Variants in LRRC56 observed in about 807,000 individuals in gnomAD.
LRRC56 encodes the protein leucine-rich repeat-containing protein 56.
LRRC56 carries 41 observed loss-of-function variants against 47.8 expected under a neutral mutation model. That is an observed-to-expected ratio of 0.86 (90% CI 0.67 to 1.11). The LOEUF is 1.11. Among genes scored for constraint, LRRC56 ranks in the 50% most tolerant of loss-of-function variants. LRRC56 has a pLI of 0.00. For missense variants in LRRC56, 759 were observed against 704.2 expected (o/e 1.08, Z -0.88); for synonymous variants, 387 against 311.2 (o/e 1.24, Z -2.56).
chr11:554,696 C>T lies in LRRC56; in HGVS notation c.*420C>T, dbSNP rs1292680542. On this transcript the variant is annotated 3_prime_UTR_variant, in exon 14 of 14. Transcript: ENST00000270115. ...AGAGCCACCTCCTAGGCCGCAGTGG[C>T]CCAAGGTCCCAGCTGCTCGCCTGAG... 4.6e-6 allele frequency: 2 copies of T among 439,470 alleles called. No individual in the cohort carries two copies. The highest frequency in any genetic ancestry group is 4.2e-5 in the African/African-American group (2 of 47,868). The allele number at this position is 439,470 out of a possible 1,614,324, so 27.2% of individuals were successfully genotyped here.
At chr11:534,457 G>A, upstream of LRRC56, 1 of 697,488 alleles carries the variant, frequency 1.4e-6, no homozygotes, top group Non-Finnish European at 2.4e-6. Flanking sequence ...CCATCTGAAG[G>A]GCAAACCCAC....
chr11:551,178 C>T lies in LRRC56; in HGVS notation c.672C>T (p.Pro224=), dbSNP rs1424395898. The change falls in exon 9 of 14, where the codon CCC becomes CCT. Residue 224 remains proline, a synonymous_variant. Transcript: ENST00000270115. ...GGGCAGAGGTGAGGAAGCTCATTCC[C>T]CAGCTGCAGGTCCTGGACGAAGTGC... ...NYRAEVRKLI[P]QLQVLDEVPA... is the part of the protein sequence containing the mutation. 1.3e-6 allele frequency: 2 copies of T among 1,543,886 alleles called. No homozygotes were observed. Among genetic ancestry groups the T allele is most frequent in the South Asian group, 1.2e-5 (1 of 83,564 alleles).
At chr11:517,559 G>A in the LRRC56 span, among the ~76,000 whole-genome samples, 40 of 148,224 alleles carry the variant, frequency 2.7e-4, no homozygotes, top group Non-Finnish European at 4.0e-4. Context: ...GCCTCTGCCC[G>A]GCCGTCCCAT....
intron 5 of LRRC56, 62 bp from the exon 6 acceptor site, chr11:544,658 G>C (rs948268335): frequency 2.6e-6 from 4 of 1,550,092 alleles, no homozygotes; most frequent in Non-Finnish European, 2.7e-6. Flanking sequence ...AGGGGTGAAG[G>C]AGGGTGCAGA....
intron 6 of LRRC56, among the ~76,000 whole-genome samples, chr11:545,731 C>T (rs997094771): frequency 6.6e-6 from 1 of 152,118 alleles, no homozygotes; most frequent in African/African-American, 2.4e-5. Context: ...AAGGAACATC[C>T]GACTTTATTC....
the LRRC56 span, chr11:532,464 C>CT: frequency 1.1e-6 from 1 of 893,696 alleles, no homozygotes; most frequent in African/African-American, 1.7e-5. Context: ...TCCTTCCTTC[C>CT]TCCTCCTTCC....
chr11:552,400 T>G (rs1489984862), intron 12 of LRRC56, among the ~76,000 whole-genome samples, 168 bp downstream of exon 12: 1 of 148,830 alleles, frequency 6.7e-6, no homozygotes, highest in Admixed American at 6.7e-5. Context: ...GAGTCATCGC[T>G]GGTCCCAAGG....
chr11:509,033 G>A, the LRRC56 span, among the ~76,000 whole-genome samples: 1 of 152,028 alleles, frequency 6.6e-6, no homozygotes, highest in Non-Finnish European at 1.5e-5. Flanking sequence ...CAACAAGAGC[G>A]AAACTCCATC....
the LRRC56 span, among the ~76,000 whole-genome samples, chr11:521,119 G>A: frequency 0.32 from 48,910 of 152,036 alleles, 8,065 homozygotes; most frequent in African/African-American, 0.38. Context: ...GCCCCCCAGC[G>A]GTGGCTCTCA....
At chr11:510,177 C>G in the LRRC56 span, among the ~76,000 whole-genome samples, 1 of 152,192 alleles carries the variant, frequency 6.6e-6, no homozygotes, top group Non-Finnish European at 1.5e-5. Flanking sequence ...CAGGCTGAGG[C>G]AAGAGACCCC....
chr11:523,876 C>T, the LRRC56 span, among the ~76,000 whole-genome samples: 2 of 151,970 alleles, frequency 1.3e-5, no homozygotes, highest in Non-Finnish European at 2.9e-5. Context: ...TGCAGTGAGC[C>T]GAGATTGTGC....
At chr11:507,444 C>CG in the LRRC56 span, 6 of 31,886 alleles carry the variant, frequency 1.9e-4, no homozygotes, top group Non-Finnish European at 3.6e-4. Context: ...GGCGTGGTCT[C>CG]CCCCAGTAGG....
At position 554,857 on chromosome 11, in the gene LRRC56, T is replaced by C. The variant is rs1852682500; in HGVS notation, c.*581T>C. ...AACCAACATTTCCAGCTCTCAGGTG[T>C]ACAGAAATGCGGTTTACTTTGTAGG... On this transcript the variant is annotated 3_prime_UTR_variant, in exon 14 of 14. Coordinates refer to ENST00000270115, the MANE Select transcript of LRRC56 (RefSeq NM_198075.4). The C allele has an allele frequency of 5.8e-6, 4 of 686,634 alleles. No individual in the cohort carries two copies. The highest frequency in any genetic ancestry group is 9.0e-6 in the Non-Finnish European group (4 of 443,644). 42.5% of individuals were successfully genotyped at this position (686,634 alleles called of 1,614,324 possible). A position where few individuals can be genotyped will look rare whatever the true frequency, so the allele number is the denominator to read the frequency against.
upstream of LRRC56, chr11:532,703 AGC>A: frequency 6.2e-7 from 1 of 1,613,216 alleles, no homozygotes; most frequent in Non-Finnish European, 8.5e-7. Flanking sequence ...CAGCTTCCGC[AGC>A]TTGTGCTGCC....
At chr11:531,579 G>A in the LRRC56 span, among the ~76,000 whole-genome samples, 45 of 152,324 alleles carry the variant, frequency 3.0e-4, no homozygotes, top group African/African-American at 9.9e-4. Context: ...TGAGGCAGGC[G>A]TGGGGCAAGG....
At chr11:542,692 C>T (rs757951728) in intron 5 of LRRC56, among the ~76,000 whole-genome samples, 11 of 151,834 alleles carry the variant, frequency 7.2e-5, no homozygotes, top group Non-Finnish European at 1.2e-4. Flanking sequence ...GCGTGCACAG[C>T]GCGTCAGGCC....
chr11:508,802 G>A, the LRRC56 span, among the ~76,000 whole-genome samples: 38 of 151,694 alleles, frequency 2.5e-4, no homozygotes, highest in Non-Finnish European at 4.9e-4. Context: ...CCAACACTTT[G>A]GGAGGCCAAG....
chr11:516,603 T>A, the LRRC56 span, among the ~76,000 whole-genome samples: 1 of 152,020 alleles, frequency 6.6e-6, no homozygotes, highest in South Asian at 2.1e-4. Context: ...TGGTTCAACA[T>A]GAAATATGAG....
the LRRC56 span, among the ~76,000 whole-genome samples, chr11:513,327 A>G: frequency 2.0e-5 from 3 of 151,972 alleles, no homozygotes; most frequent in East Asian, 1.9e-4. Flanking sequence ...TAATTTTTGT[A>G]TTGTATTAGA....
Sources: gnomAD v4.1 joint callset for allele counts (sites outside exome capture counted in the v4.1 genomes callset) on GRCh38, gnomAD v4.1.1 for gene constraint, MANE v1.5 for transcripts, NCBI Gene and HGNC (gene_info 2026-07-23, HGNC 2026-07-21) for gene names.